The following ARHGEF9 variants were observed in gnomAD, a reference collection of about 807,000 sequenced individuals.
The protein encoded by ARHGEF9 is Cdc42 guanine nucleotide exchange factor 9.
A neutral mutation model predicts 41.3 loss-of-function variants in ARHGEF9; 2 were observed. The ratio of observed to expected loss-of-function variants is 0.05; its 90% CI spans 0.02 to 0.15. The LOEUF (loss-of-function observed/expected upper bound fraction) is 0.15, where lower values mean the gene tolerates loss of function less well. Among genes scored for constraint, ARHGEF9 ranks in the 10% least tolerant of loss-of-function variants. The probability of loss-of-function intolerance (pLI) is 1.00; values close to 1 mark genes in which losing one functional copy is unlikely to be tolerated. For synonymous variants in ARHGEF9, 160 were observed against 154.4 expected (o/e 1.04, Z -0.27); for missense variants, 225 against 424.7 (o/e 0.53, Z 4.13).
At chrX:63,681,660 C>A (rs1261529060) in intron 4 of ARHGEF9, among the ~76,000 whole-genome samples, 3 of 110,079 alleles carry the variant, frequency 2.7e-5, no homozygotes, top group African/African-American at 9.9e-5. Context: ...ATCTGATATT[C>A]CACCTCAAGG....
chrX:63,724,159 T>C lies in ARHGEF9; in HGVS notation c.210+373A>G, dbSNP rs140362474. On this transcript the variant is annotated intron_variant, in intron 2 of 9. Coordinates refer to ENST00000671741, the MANE Select transcript of ARHGEF9 (RefSeq NM_001353921.2). The stretch of plus-strand genomic sequence containing the variant: ...GAAAGAATAAAAAAAAGATGAGAAA[T>C]AGAAAGCAGAAAAAAGAGAGATAAG... 4.9e-3 allele frequency among the ~76,000 whole-genome samples: 532 copies of C among 108,609 alleles called. 5 individuals are homozygous for C. Among genetic ancestry groups the C allele is most frequent in the African/African-American group, 0.017 (515 of 29,697 alleles). 94.3% of individuals were successfully genotyped at this position (108,609 alleles called of 115,157 possible). A position where few individuals can be genotyped will look rare whatever the true frequency, so the allele number is the denominator to read the frequency against.
chrX:63,661,446 A>G (rs2049212639), intron 7 of ARHGEF9, among the ~76,000 whole-genome samples: 2 of 112,237 alleles, frequency 1.8e-5, no homozygotes, highest in Non-Finnish European at 3.8e-5. Context: ...ATAGTCAAAG[A>G]GAAAAAAATC....
intron 1 of ARHGEF9, among the ~76,000 whole-genome samples, chrX:63,759,729 CATA>C (rs2056000387): frequency 8.9e-6 from 1 of 112,153 alleles, no homozygotes; most frequent in African/African-American, 3.2e-5. Flanking sequence ...AAGCCCTGTA[CATA>C]CATAAACTCT....
intron 1 of ARHGEF9, among the ~76,000 whole-genome samples, chrX:63,775,854 A>G (rs1556458047): frequency 8.9e-6 from 1 of 111,998 alleles, no homozygotes; most frequent in African/African-American, 3.2e-5. Context: ...AATAAAAAAT[A>G]AAATCAAAAG....
chrX:63,776,437 T>C (rs2056294938), intron 1 of ARHGEF9, among the ~76,000 whole-genome samples: 1 of 112,373 alleles, frequency 8.9e-6, no homozygotes, highest in South Asian at 3.7e-4. Flanking sequence ...TATTTTTGGA[T>C]GCTGAAATTT....
At chrX:63,781,509 G>A (rs782507754) in intron 1 of ARHGEF9, among the ~76,000 whole-genome samples, 1 of 111,685 alleles carries the variant, frequency 9.0e-6, no homozygotes, top group East Asian at 2.8e-4. Context: ...GTTCTTTCTA[G>A]CCCCACTCTT....
At chrX:63,640,085 A>G (rs1215794491) in intron 9 of ARHGEF9, 12 of 112,108 alleles carry the variant, frequency 1.1e-4, no homozygotes, top group African/African-American at 2.9e-4. Flanking sequence ...AATTTATTGC[A>G]TATTTCAAAA....
intron 1 of ARHGEF9, among the ~76,000 whole-genome samples, chrX:63,746,190 G>A (rs1556433537): frequency 2.7e-5 from 3 of 111,354 alleles, no homozygotes; most frequent in Admixed American, 9.6e-5. Context: ...TGCCATGCAT[G>A]TACAACTTTC....
At chrX:63,664,991 G>T (rs1373676560) in intron 7 of ARHGEF9, among the ~76,000 whole-genome samples, 1 of 112,288 alleles carries the variant, frequency 8.9e-6, no homozygotes, top group African/African-American at 3.2e-5. Flanking sequence ...GGGTGAAGGA[G>T]AGGACAAAGG....
chrX:63,660,792 C>T (rs1192650362), intron 7 of ARHGEF9, among the ~76,000 whole-genome samples: 3 of 112,266 alleles, frequency 2.7e-5, no homozygotes, highest in African/African-American at 9.7e-5. Context: ...TCTCATTTAA[C>T]CCTCACAACT....
At chrX:63,692,424 G>C (rs782379654) in intron 4 of ARHGEF9, among the ~76,000 whole-genome samples, 6 of 112,599 alleles carry the variant, frequency 5.3e-5, no homozygotes, top group Non-Finnish European at 1.1e-4. Flanking sequence ...TTTCTTAAAA[G>C]AAGACATACA....
At chrX:63,738,104 T>C (rs1157526674) in intron 1 of ARHGEF9, among the ~76,000 whole-genome samples, 1 of 111,953 alleles carries the variant, frequency 8.9e-6, no homozygotes, top group African/African-American at 3.3e-5. Context: ...CCCTCTAGAA[T>C]CAGTGCTCTT....
intron 8 of ARHGEF9, 59 bp from the exon 9 acceptor site, chrX:63,644,107 TA>T: frequency 1.2e-6 from 1 of 830,874 alleles, no homozygotes; most frequent in Non-Finnish European, 1.7e-6. Flanking sequence ...ACTGAGTGTA[TA>T]AATGAGTAAA....
At chrX:63,782,257 C>T (rs1405542767) in intron 1 of ARHGEF9, among the ~76,000 whole-genome samples, 3 of 111,093 alleles carry the variant, frequency 2.7e-5, no homozygotes, top group East Asian at 2.8e-4. Context: ...ATTAATGACC[C>T]GATAGTACCT....
chrX:63,746,786 C>A lies in ARHGEF9; in HGVS notation c.31-22075G>T, dbSNP rs1324502227. On this transcript the variant is annotated intron_variant, in intron 1 of 9. Transcript: ENST00000671741. Reference sequence around the variant, plus strand: ...CAGACCTATGAGACTGGTATTATATCTATGAGAGGCAATTCTCAATTATCC... The same window carrying A: ...CAGACCTATGAGACTGGTATTATATATATGAGAGGCAATTCTCAATTATCC... Among the ~76,000 whole-genome samples, 3 of 112,063 alleles carry A rather than the reference C, an allele frequency of 2.7e-5. 1 individual carries two copies. Among genetic ancestry groups the A allele is most frequent in the Non-Finnish European group, 5.6e-5 (3 of 53,207 alleles).
chrX:63,719,887 C>T (rs2053541188), intron 2 of ARHGEF9: 1 of 290,831 alleles, frequency 3.4e-6, no homozygotes, highest in Non-Finnish European at 6.0e-6. Context: ...ACATACACTG[C>T]TCATGCCCAC....
intron 5 of ARHGEF9, among the ~76,000 whole-genome samples, chrX:63,674,805 G>A (rs2050160606): frequency 9.0e-6 from 1 of 111,431 alleles, no homozygotes. Context: ...ACCTCCTTCT[G>A]TGCCTGAGCT....
chrX:63,659,428 C>T (rs1556339339), intron 7 of ARHGEF9, among the ~76,000 whole-genome samples: 1 of 112,034 alleles, frequency 8.9e-6, no homozygotes, highest in African/African-American at 3.2e-5. Context: ...GCCAGCCTTC[C>T]TCCTTTTTCC....
intron 4 of ARHGEF9, among the ~76,000 whole-genome samples, chrX:63,686,392 T>C (rs1556375605): frequency 9.0e-6 from 1 of 111,228 alleles, no homozygotes; most frequent in Non-Finnish European, 1.9e-5. Context: ...AACATGAAGA[T>C]AAGTGGGTTA....
Sources: allele counts gnomAD v4.1 joint callset (sites outside exome capture counted in the v4.1 genomes callset), GRCh38; gene constraint gnomAD v4.1.1; transcripts MANE v1.5; gene names NCBI Gene and HGNC (gene_info 2026-07-23, HGNC 2026-07-21).